PAX7: variants seen among roughly 807,000 people sequenced by gnomAD.
PAX7 encodes the protein paired box 7.
PAX7 carries 18 observed loss-of-function variants against 50.7 expected under a neutral mutation model. The observed-to-expected ratio is 0.36, with a 90% confidence interval of 0.25 to 0.53. The LOEUF is 0.53. PAX7 is among the 20% of genes least tolerant of loss of function. The pLI is 0.93. For synonymous variants in PAX7, 310 were observed against 290.4 expected (o/e 1.07, Z -0.69); for missense variants, 644 against 702.9 (o/e 0.92, Z 0.95).
chr1:18,641,151 C>T (rs2088247473), intron 4 of PAX7, among the ~76,000 whole-genome samples: 1 of 152,224 alleles, frequency 6.6e-6, no homozygotes, highest in Non-Finnish European at 1.5e-5. Flanking sequence ...TAAACTCGTG[C>T]CTAAATTGAG....
At chr1:18,730,014 G>A (rs1412311386) in intron 7 of PAX7, among the ~76,000 whole-genome samples, 2 of 152,128 alleles carry the variant, frequency 1.3e-5, no homozygotes, top group Non-Finnish European at 1.5e-5. Context: ...CTCAGGCAAG[G>A]TCCCTGAGCC....
At chr1:18,709,318 C>G (rs531449630) in intron 7 of PAX7, among the ~76,000 whole-genome samples, 2 of 152,368 alleles carry the variant, frequency 1.3e-5, no homozygotes, top group South Asian at 4.1e-4. Context: ...ATGTCCCATA[C>G]TCATCGTCTC....
chr1:18,732,800 T>C (rs993523486), intron 7 of PAX7, among the ~76,000 whole-genome samples: 3 of 152,144 alleles, frequency 2.0e-5, no homozygotes, highest in Non-Finnish European at 2.9e-5. Flanking sequence ...CAAAACATCC[T>C]CGTCCTCTTC....
chr1:18,743,732 C>T (rs1487822333), intron 8 of PAX7, among the ~76,000 whole-genome samples: 1 of 152,200 alleles, frequency 6.6e-6, no homozygotes, highest in Non-Finnish European at 1.5e-5. Context: ...CAAGACAGAA[C>T]ACTTGTACAT....
At chr1:18,684,663 C>T (rs371320481) in intron 4 of PAX7, among the ~76,000 whole-genome samples, 235 of 152,346 alleles carry the variant, frequency 1.5e-3, no homozygotes, top group South Asian at 3.9e-3. Context: ...TATTCAGAGA[C>T]GCCTGGCCCA....
At chr1:18,669,379 C>T (rs1477085160) in intron 4 of PAX7, among the ~76,000 whole-genome samples, 1 of 152,132 alleles carries the variant, frequency 6.6e-6, no homozygotes, top group East Asian at 1.9e-4. Flanking sequence ...AAACAGTGAC[C>T]ATATGGTGGC....
intron 7 of PAX7, among the ~76,000 whole-genome samples, chr1:18,706,460 C>T (rs113352754): frequency 0.014 from 1,407 of 98,612 alleles, 45 homozygotes; most frequent in African/African-American, 0.057. Flanking sequence ...CTCTCTCTCT[C>T]TTTTTTTTTT....
rs745633212 is a variant in PAX7 at position 18,735,960 on chromosome 1, A to G, written c.1402+82A>G. On this transcript the variant is annotated intron_variant, in intron 8 of 8. Coordinates refer to ENST00000420770, the MANE Select transcript of PAX7 (RefSeq NM_001135254.2). This position sits in a 1 kb window ranked among gnomAD's most constrained non-coding sequence, Gnocchi z 4.0. ...GCCTCCTGCTTGTTTATGGAGAGCT[A>G]CAAGGTGGTGTCAGGGTGGGGAATG... 1.9e-5 allele frequency: 31 copies of G among 1,613,828 alleles called. No individual in the cohort carries two copies. The East Asian group carries it at 4.7e-4, about 24-fold the overall frequency.
At chr1:18,652,143 C>A (rs2088442358) in intron 4 of PAX7, among the ~76,000 whole-genome samples, 1 of 151,722 alleles carries the variant, frequency 6.6e-6, no homozygotes, top group Non-Finnish European at 1.5e-5. Context: ...GAATCACATT[C>A]CAGAGTGGGG....
intron 7 of PAX7, among the ~76,000 whole-genome samples, chr1:18,721,311 C>G (rs1054084320): frequency 3.3e-5 from 5 of 152,146 alleles, no homozygotes; most frequent in Non-Finnish European, 5.9e-5. Flanking sequence ...ACAGGTGCTA[C>G]CCTGTGATTA....
At chr1:18,719,647 C>T (rs919624519) in intron 7 of PAX7, among the ~76,000 whole-genome samples, 2 of 152,328 alleles carry the variant, frequency 1.3e-5, no homozygotes, top group East Asian at 3.9e-4. Context: ...GGAGCCTCCC[C>T]GGCAAGGGGC....
rs530221075 is a variant in PAX7, at chr1:18,745,044, C to G, written c.*115C>G. 17 of 643,612 alleles carry G rather than the reference C, an allele frequency of 2.6e-5. No homozygotes were observed. In the South Asian group the frequency reaches 3.0e-4, roughly 11 times the overall value. 39.9% of individuals were successfully genotyped at this position (643,612 alleles called of 1,614,324 possible). On this transcript the variant is annotated 3_prime_UTR_variant, in exon 9 of 9. Coordinates refer to ENST00000420770, the MANE Select transcript of PAX7 (RefSeq NM_001135254.2). ...TGTCCTAGGAGGCCAGGAAAGGAGCCCACCTGCTTCTCATCACCAGCCCCC... is the reference window on the plus strand; with the variant it reads ...TGTCCTAGGAGGCCAGGAAAGGAGCGCACCTGCTTCTCATCACCAGCCCCC...
At position 18,634,015 on chromosome 1, in the gene PAX7, G is replaced by A. The variant is rs1314325742; in HGVS notation, c.86-288G>A. Among the ~76,000 whole-genome samples the A allele has an allele frequency of 2.0e-5, 3 of 152,188 alleles. No individual in the cohort carries two copies. Among genetic ancestry groups the A allele is most frequent in the African/African-American group, 7.2e-5 (3 of 41,452 alleles). On this transcript the variant is annotated intron_variant, in intron 1 of 8. Transcript: ENST00000420770. The surrounding 1 kb of genome is among the most constrained non-coding windows in gnomAD (Gnocchi z 4.0). ...TCTTAGCAGCATTCGAATCCCCCAGGTGTGTCCTCATCCCTCGTAGTGTGG... is the reference window on the plus strand; with the variant it reads ...TCTTAGCAGCATTCGAATCCCCCAGATGTGTCCTCATCCCTCGTAGTGTGG...
rs377198222 is a variant in PAX7, at chr1:18,631,654, G to A, written c.51G>A (p.Gly17=). 7 of 1,613,184 alleles carry A rather than the reference G, an allele frequency of 4.3e-6. No individual in the cohort carries two copies. Among genetic ancestry groups the A allele is most frequent in the Admixed American group, 1.7e-5 (1 of 59,964 alleles). The change falls in exon 1 of 9, where the codon GGG becomes GGA. Residue 17 remains glycine, a synonymous_variant. Coordinates refer to ENST00000420770, the MANE Select transcript of PAX7 (RefSeq NM_001135254.2). ...CGAGAATGATGCGGCCGGCTCCGGG[G>A]CAGAACTACCCCCGCACGGGATTCC... The part of the protein sequence containing the change: ...TVPRMMRPAP[G]QNYPRTGFPL...
In PAX7 at chr1:18,658,406, G is replaced by A. The variant is rs971475683; in HGVS notation, c.586+22035G>A. Among the ~76,000 whole-genome samples the A allele has an allele frequency of 3.9e-5, 6 of 152,172 alleles. No homozygotes were observed. The East Asian group carries it at 5.8e-4, about 15-fold the overall frequency. On this transcript the variant is annotated intron_variant, in intron 4 of 8. Coordinates refer to ENST00000420770, the MANE Select transcript of PAX7 (RefSeq NM_001135254.2). ...AGTGCATGCTTATAATAATCACCCC[G>A]TTTCCGAACACTTACTGTGTAGCAG...
At chr1:18,644,101 C>A (rs2088302640) in intron 4 of PAX7, among the ~76,000 whole-genome samples, 2 of 152,234 alleles carry the variant, frequency 1.3e-5, no homozygotes, top group Non-Finnish European at 2.9e-5. Context: ...TTCCAGGCTG[C>A]GAACGCTGCG....
chr1:18,727,384 A>T (rs1378479624), intron 7 of PAX7, among the ~76,000 whole-genome samples: 181 of 144,984 alleles, frequency 1.2e-3, no homozygotes, highest in African/African-American at 5.0e-3. Context: ...ACACACACAC[A>T]CACACACACA....
At chr1:18,684,493 G>C (rs1046634902) in intron 4 of PAX7, among the ~76,000 whole-genome samples, 16 of 152,166 alleles carry the variant, frequency 1.1e-4, no homozygotes, top group African/African-American at 3.6e-4. Flanking sequence ...TCTGACTCCC[G>C]CAGCCACGCC....
At chr1:18,724,120 T>G (rs1200924696) in intron 7 of PAX7, among the ~76,000 whole-genome samples, 2 of 151,554 alleles carry the variant, frequency 1.3e-5, no homozygotes, top group Admixed American at 1.3e-4. Context: ...CGGCAAGGAG[T>G]GGCGTCAGCG....
Sources: gnomAD v4.1 joint callset for allele counts (sites outside exome capture counted in the v4.1 genomes callset) on GRCh38, gnomAD v4.1.1 for gene constraint, Gnocchi (gnomAD v3.1) non-coding constraint, MANE v1.5 for transcripts, NCBI Gene and HGNC (gene_info 2026-07-23, HGNC 2026-07-21) for gene names.